Variants in CCDC39 observed in about 807,000 individuals in gnomAD.
The protein encoded by CCDC39 is coiled-coil domain-containing protein 39.
A neutral mutation model predicts 121.0 loss-of-function variants in CCDC39; 113 were observed. That is an observed-to-expected ratio of 0.93 (90% CI 0.80 to 1.09). CCDC39 has a LOEUF of 1.09. Ranked by LOEUF, CCDC39 falls within the 50% of genes least tolerant of loss-of-function variation. The pLI, the probability that CCDC39 is intolerant of heterozygous loss-of-function variation, is 0.00. For missense variants in CCDC39, 1,063 were observed against 1,074.7 expected (o/e 0.99, Z 0.15); for synonymous variants, 349 against 352.2 (o/e 0.99, Z 0.10).
intron 1 of CCDC39, among the ~76,000 whole-genome samples, chr3:180,671,833 CATG>C (rs970868710): frequency 6.6e-6 from 1 of 152,148 alleles, no homozygotes; most frequent in Admixed American, 6.5e-5. Context: ...GAGCTGGGTT[CATG>C]ATGTTTAAGG....
At chr3:180,646,792 T>C (rs1001296879) in intron 11 of CCDC39, among the ~76,000 whole-genome samples, 7 of 152,036 alleles carry the variant, frequency 4.6e-5, no homozygotes, top group African/African-American at 1.7e-4. Context: ...CTGGACAAAT[T>C]ACTTACTCTA....
rs1258444708 is a variant in CCDC39, at chr3:180,677,198, A to G, written c.90+2093T>C. ...TATATATATATATATATATATATAT[A>G]TATATATATATATATATAAAATCAC... On this transcript the variant is annotated intron_variant, in intron 1 of 19. Coordinates refer to ENST00000476379, the MANE Select transcript of CCDC39 (RefSeq NM_181426.2). 1.8e-5 allele frequency among the ~76,000 whole-genome samples: 2 copies of G among 108,238 alleles called. 1 individual carries two copies. The highest frequency in any genetic ancestry group is 3.8e-5 in the Non-Finnish European group (2 of 51,976). 71.0% of individuals were successfully genotyped at this position (108,238 alleles called of 152,430 possible). A position where few individuals can be genotyped will look rare whatever the true frequency, so the allele number is the denominator to read the frequency against.
chr3:180,626,753 T>G (rs987684092), intron 14 of CCDC39, among the ~76,000 whole-genome samples: 8 of 151,884 alleles, frequency 5.3e-5, no homozygotes, highest in African/African-American at 1.9e-4. Flanking sequence ...AGGAGTGCAG[T>G]CTTCTCACAC....
At chr3:180,653,149 T>C (rs1711511790) in intron 7 of CCDC39, among the ~76,000 whole-genome samples, 1 of 152,160 alleles carries the variant, frequency 6.6e-6, no homozygotes, top group Non-Finnish European at 1.5e-5. Context: ...AAAACTGAGC[T>C]GGGGAAGGCC....
intron 14 of CCDC39, among the ~76,000 whole-genome samples, chr3:180,624,722 T>C (rs561276160): frequency 5.3e-5 from 8 of 152,350 alleles, no homozygotes; most frequent in African/African-American, 1.7e-4. Context: ...GCTGGGTATT[T>C]CTTCTTCCTT....
intron 8 of CCDC39, 76 bp downstream of exon 8, chr3:180,652,087 T>C (rs1310931255): frequency 2.5e-6 from 2 of 802,230 alleles, no homozygotes; most frequent in East Asian, 3.0e-5. Context: ...AAACAACAAA[T>C]AGTCTTAAGT....
At chr3:180,630,802 C>T (rs528456696) in intron 14 of CCDC39, among the ~76,000 whole-genome samples, 14 of 152,268 alleles carry the variant, frequency 9.2e-5, no homozygotes, top group Admixed American at 3.3e-4. Context: ...AACAGATTCA[C>T]CTGGTCTGTC....
At chr3:180,640,146 A>G (rs547152378) in intron 13 of CCDC39, among the ~76,000 whole-genome samples, 4 of 152,208 alleles carry the variant, frequency 2.6e-5, no homozygotes, top group Admixed American at 2.6e-4. Flanking sequence ...GATGGTGGTG[A>G]TGGTCTCTCC....
At chr3:180,631,361 G>T in intron 14 of CCDC39, 108 bp downstream of exon 14, 2 of 1,040,016 alleles carry the variant, frequency 1.9e-6, no homozygotes, top group Non-Finnish European at 2.8e-6. Flanking sequence ...ATTTCATGGA[G>T]GGAAAGTTGC....
At chr3:180,621,558 C>T (rs1255899498) in intron 14 of CCDC39, among the ~76,000 whole-genome samples, 3 of 152,116 alleles carry the variant, frequency 2.0e-5, no homozygotes, top group Admixed American at 6.6e-5. Flanking sequence ...AATGCCTACT[C>T]ATGTCCTTAG....
rs1443999210 is a variant in CCDC39, at chr3:180,651,588, C to T, written c.1035-55G>A. ...AAACGTGCCTAAAAAGCATTTCATA[C>T]AAACAAATAATAGTTTATCCTAATA... On this transcript the variant is annotated intron_variant, in intron 8 of 19. Transcript: ENST00000476379. The T allele has an allele frequency of 2.8e-6, 4 of 1,442,486 alleles. No individual in the cohort carries two copies. The African/African-American group carries it at 5.8e-5, about 21-fold the overall frequency. 89.4% of individuals were successfully genotyped at this position (1,442,486 alleles called of 1,614,324 possible).
At chr3:180,664,850 C>T (rs552964406) in intron 1 of CCDC39, among the ~76,000 whole-genome samples, 1 of 124,538 alleles carries the variant, frequency 8.0e-6, no homozygotes, top group Non-Finnish European at 1.6e-5. Flanking sequence ...GTGCCCACCA[C>T]TACACCTGGC....
At chr3:180,622,548 T>C (rs1009902235) in intron 14 of CCDC39, among the ~76,000 whole-genome samples, 7 of 152,152 alleles carry the variant, frequency 4.6e-5, no homozygotes, top group African/African-American at 1.4e-4. Context: ...GGCTGTGGGT[T>C]TGTCATAGAT....
chr3:180,649,602 G>A (rs1042829769), intron 9 of CCDC39, among the ~76,000 whole-genome samples: 2 of 152,018 alleles, frequency 1.3e-5, no homozygotes, highest in Admixed American at 6.5e-5. Context: ...CCAATGCTTC[G>A]TGGTGAATAA....
At chr3:180,669,055 G>A (rs1478244160) in intron 1 of CCDC39, among the ~76,000 whole-genome samples, 1 of 152,148 alleles carries the variant, frequency 6.6e-6, no homozygotes, top group African/African-American at 2.4e-5. Flanking sequence ...TATGTGAGAG[G>A]AAGCAGATTC....
At chr3:180,628,241 C>T (rs1305269642) in intron 14 of CCDC39, among the ~76,000 whole-genome samples, 2 of 152,134 alleles carry the variant, frequency 1.3e-5, no homozygotes, top group Admixed American at 1.3e-4. Flanking sequence ...GACGGAGTCT[C>T]ACTCTGTCGC....
In CCDC39 at chr3:180,642,128, T is replaced by G; in HGVS notation, c.1739A>C (p.Glu580Ala). The G allele has an allele frequency of 1.9e-6, 3 of 1,613,062 alleles. No homozygotes were observed. The highest frequency in any genetic ancestry group is 2.5e-6 in the Non-Finnish European group (3 of 1,179,266). ...TCTTTTTTCTAGGGAAAGAACTTCT[T>G]CTGCCTTACTGTGAAGCATTTCTCG... ...RTREMLHSKA[E>A]EVLSLEKRKQ... The change falls in exon 13 of 20, where the codon GAA (glutamate) becomes GCA (alanine). Residue 580 changes from glutamate to alanine, a missense_variant. Transcript: ENST00000476379.
chr3:180,657,743 G>A (rs965288662), intron 6 of CCDC39, among the ~76,000 whole-genome samples: 2 of 152,080 alleles, frequency 1.3e-5, no homozygotes, highest in Non-Finnish European at 2.9e-5. Context: ...TCAGGAACTC[G>A]CTCTTTTTTC....
Position 180,679,140 on chromosome 3 carries a change from T to C in CCDC39, c.90+151A>G, listed in dbSNP as rs1712319723. 3 of 694,754 alleles carry C rather than the reference T, an allele frequency of 4.3e-6. No homozygotes were observed. The South Asian group carries it at 4.9e-5, about 11-fold the overall frequency. The allele number at this position is 694,754 out of a possible 1,614,324, so 43.0% of individuals were successfully genotyped here. ...CAATTACTGAAATAGGCAGAGAGGG[T>C]AAGGGAGGAGGGCGATGGTGCGGGG... On this transcript the variant is annotated intron_variant, in intron 1 of 19. Coordinates refer to ENST00000476379, the MANE Select transcript of CCDC39 (RefSeq NM_181426.2). This position sits in a 1 kb window ranked among gnomAD's most constrained non-coding sequence, Gnocchi z 4.0.
Sources: gnomAD v4.1 joint callset for allele counts (sites outside exome capture counted in the v4.1 genomes callset) on GRCh38, gnomAD v4.1.1 for gene constraint, Gnocchi (gnomAD v3.1) non-coding constraint, MANE v1.5 for transcripts, NCBI Gene and HGNC (gene_info 2026-07-23, HGNC 2026-07-21) for gene names.